The following CACNA1C variants were observed in gnomAD, a reference collection of about 807,000 sequenced individuals.
The protein encoded by CACNA1C is voltage-dependent L-type calcium channel subunit alpha-1C.
CACNA1C carries 30 observed loss-of-function variants against 229.0 expected under a neutral mutation model. That is an observed-to-expected ratio of 0.13 (90% CI 0.10 to 0.18). CACNA1C has a LOEUF of 0.18. Ranked by LOEUF, CACNA1C falls within the 10% of genes least tolerant of loss-of-function variation. The pLI is 1.00. For missense variants in CACNA1C, 1,658 were observed against 2,845.0 expected (o/e 0.58, Z 9.49); for synonymous variants, 1,114 against 1,132.5 (o/e 0.98, Z 0.33).
At position 2,646,051 on chromosome 12, in the gene CACNA1C, G is replaced by A. The variant is rs915507320; in HGVS notation, c.3913-2424G>A. On this transcript the variant is annotated intron_variant, in intron 30 of 46. Coordinates refer to ENST00000399655, the MANE Select transcript of CACNA1C (RefSeq NM_000719.7). The surrounding 1 kb of genome is among the most constrained non-coding windows in gnomAD (Gnocchi z 4.6). ...TCTGCCATTATAGAGACATGCCATA[G>A]GAAATGTTAAATCAATACATGTTAC... 1.3e-5 allele frequency among the ~76,000 whole-genome samples: 2 copies of A among 152,074 alleles called. No homozygotes were observed. Among genetic ancestry groups the A allele is most frequent in the African/African-American group, 4.8e-5 (2 of 41,396 alleles).
chr12:2,304,982 G>A (rs1471971518), intron 3 of CACNA1C, among the ~76,000 whole-genome samples: 1 of 152,172 alleles, frequency 6.6e-6, no homozygotes, highest in Non-Finnish European at 1.5e-5. Context: ...TCTCTTGGTG[G>A]CTGGCTGGCA....
At chr12:2,617,219 G>A (rs573709912) in intron 29 of CACNA1C, among the ~76,000 whole-genome samples, 11 of 152,332 alleles carry the variant, frequency 7.2e-5, no homozygotes, top group Non-Finnish European at 1.5e-4. Context: ...GGATGAGTCA[G>A]GACTAGTCGG....
chr12:2,421,852 A>T (rs374868822), intron 3 of CACNA1C, among the ~76,000 whole-genome samples: 177 of 152,154 alleles, frequency 1.2e-3, no homozygotes, highest in African/African-American at 4.2e-3. Flanking sequence ...CAGAGGTTGC[A>T]GTGAGCCAAG....
intron 1 of CACNA1C, among the ~76,000 whole-genome samples, chr12:2,080,485 C>G (rs960258976): frequency 2.4e-4 from 37 of 151,566 alleles, no homozygotes; most frequent in Admixed American, 5.3e-4. Context: ...CCTGTAATCC[C>G]AGCTACTTGG....
intron 3 of CACNA1C, among the ~76,000 whole-genome samples, chr12:2,445,733 C>T (rs1449987545): frequency 2.6e-5 from 4 of 152,122 alleles, no homozygotes; most frequent in Non-Finnish European, 5.9e-5. Context: ...GAGAAAGCAG[C>T]CTGTCAATGA....
At chr12:2,431,756 C>T (rs1005051765) in intron 3 of CACNA1C, among the ~76,000 whole-genome samples, 1 of 152,272 alleles carries the variant, frequency 6.6e-6, no homozygotes, top group South Asian at 2.1e-4. Flanking sequence ...ACTTCATTCC[C>T]CTGATGTTAT....
chr12:2,501,341 C>T (rs1288663147), intron 7 of CACNA1C, among the ~76,000 whole-genome samples: 1 of 152,176 alleles, frequency 6.6e-6, no homozygotes, highest in African/African-American at 2.4e-5. Context: ...CAGGCTCCCC[C>T]TGACCTTGGA....
intron 3 of CACNA1C, among the ~76,000 whole-genome samples, chr12:2,248,951 A>G (rs1391000153): frequency 6.6e-6 from 1 of 152,148 alleles, no homozygotes; most frequent in Non-Finnish European, 1.5e-5. Context: ...AGCACCTGGC[A>G]CCGTGCCTGG....
chr12:2,439,010 T>G (rs1488454454), intron 3 of CACNA1C, among the ~76,000 whole-genome samples: 1 of 152,126 alleles, frequency 6.6e-6, no homozygotes, highest in Non-Finnish European at 1.5e-5. Context: ...CAGCCCTGAT[T>G]GGTAATATCT....
chr12:2,330,467 C>G (rs1593026482), intron 3 of CACNA1C, among the ~76,000 whole-genome samples: 2 of 152,204 alleles, frequency 1.3e-5, no homozygotes, highest in East Asian at 3.8e-4. Flanking sequence ...TGTTTTGACT[C>G]CTTTAATACT....
At chr12:2,664,108 A>G (rs1043765418) in intron 34 of CACNA1C, among the ~76,000 whole-genome samples, 2 of 152,234 alleles carry the variant, frequency 1.3e-5, no homozygotes, top group African/African-American at 4.8e-5. Flanking sequence ...AAGCAAAAAC[A>G]TGAACATGCA....
intron 3 of CACNA1C, among the ~76,000 whole-genome samples, chr12:2,266,452 C>T (rs536711551): frequency 1.3e-5 from 2 of 152,362 alleles, no homozygotes; most frequent in Admixed American, 6.5e-5. Flanking sequence ...GTGCTCTAGG[C>T]ACACCTGTTA....
intron 3 of CACNA1C, among the ~76,000 whole-genome samples, chr12:2,261,489 T>C (rs148515746): frequency 6.6e-6 from 1 of 152,268 alleles, no homozygotes; most frequent in African/African-American, 2.4e-5. Context: ...ACAGTGAAAA[T>C]GTTAGAGTTG....
chr12:2,451,000 C>T (rs149206167), intron 4 of CACNA1C, among the ~76,000 whole-genome samples: 105 of 152,256 alleles, frequency 6.9e-4, no homozygotes, highest in African/African-American at 2.2e-3. Flanking sequence ...CTTGGAACCA[C>T]GTTAGGGTTT....
chr12:2,481,517 T>C (rs576194791), intron 5 of CACNA1C, among the ~76,000 whole-genome samples: 1 of 152,294 alleles, frequency 6.6e-6, no homozygotes, highest in South Asian at 2.1e-4. Context: ...CATCCTCCCC[T>C]TTTCCCGAGC....
At chr12:2,243,828 T>G (rs1056718530) in intron 3 of CACNA1C, among the ~76,000 whole-genome samples, 2 of 152,226 alleles carry the variant, frequency 1.3e-5, no homozygotes, top group Non-Finnish European at 2.9e-5. Context: ...AATTGTCAGA[T>G]GAGGTTCAGT....
intron 20 of CACNA1C, among the ~76,000 whole-genome samples, chr12:2,596,817 C>T (rs1211944943): frequency 2.0e-5 from 3 of 152,136 alleles, no homozygotes; most frequent in African/African-American, 4.8e-5. Context: ...CCAACGTGAG[C>T]GAAGCATTTT....
chr12:1,979,929 A>G (rs2035616430), intron 1 of CACNA1C, among the ~76,000 whole-genome samples: 2 of 152,328 alleles, frequency 1.3e-5, no homozygotes, highest in South Asian at 2.1e-4. Context: ...TCACAATGAG[A>G]TATCACTTCA....
At chr12:2,006,093 T>G (rs981935122) in intron 1 of CACNA1C, among the ~76,000 whole-genome samples, 4 of 152,214 alleles carry the variant, frequency 2.6e-5, no homozygotes, top group African/African-American at 9.6e-5. Context: ...TAAACAAAAG[T>G]TCTCTGAGGG....
Sources: gnomAD v4.1 joint callset for allele counts (sites outside exome capture counted in the v4.1 genomes callset) on GRCh38, gnomAD v4.1.1 for gene constraint, Gnocchi (gnomAD v3.1) non-coding constraint, MANE v1.5 for transcripts, NCBI Gene and HGNC (gene_info 2026-07-23, HGNC 2026-07-21) for gene names.